Variants in KANK4 observed in about 807,000 individuals in gnomAD.
The protein encoded by KANK4 is KN motif and ankyrin repeat domains 4.
In KANK4, 50 loss-of-function variants were observed where a neutral mutation model predicts 80.8. The observed-to-expected ratio is 0.62, with a 90% CI of 0.49 to 0.78. KANK4 has a LOEUF of 0.78. KANK4 is among the 30% of genes least tolerant of loss of function. The pLI, the probability that KANK4 is intolerant of heterozygous loss-of-function variation, is 0.00. For missense variants in KANK4, 1,196 were observed against 1,240.1 expected, an observed-to-expected ratio of 0.96 and a Z score of 0.53; for synonymous variants, 465 against 506.9, an observed-to-expected ratio of 0.92 and a Z score of 1.11.
At chr1:62,315,039 CT>C (rs1490043527) in intron 1 of KANK4, among the ~76,000 whole-genome samples, 2 of 152,194 alleles carry the variant, frequency 1.3e-5, no homozygotes, top group Non-Finnish European at 2.9e-5. Flanking sequence ...CGGAGGGCCC[CT>C]TTTCTCTCCT....
At chr1:62,313,976 C>T (rs1182934881) in intron 1 of KANK4, among the ~76,000 whole-genome samples, 1 of 152,082 alleles carries the variant, frequency 6.6e-6, no homozygotes, top group Non-Finnish European at 1.5e-5. Flanking sequence ...TCAGCCACTA[C>T]CGAACTTGCC....
Position 62,238,248 on chromosome 1 carries a change from G to C in KANK4, c.*29C>G, listed in dbSNP as rs768235868. The C allele has an allele frequency of 6.5e-7, 1 of 1,543,600 alleles. No homozygotes were observed. The highest frequency in any genetic ancestry group is 1.1e-5 in the South Asian group (1 of 89,438). ...GAGGAGTCCAGAGAAGAAGGCTTTT[G>C]TTCCCCACGGCCAGTTCTTCTGCAG... is the stretch of plus-strand genomic sequence containing the variant. On this transcript the variant is annotated 3_prime_UTR_variant, in exon 10 of 10. Transcript: ENST00000371153.
At chr1:62,290,931 T>C (rs1004427573) in intron 1 of KANK4, among the ~76,000 whole-genome samples, 1 of 152,058 alleles carries the variant, frequency 6.6e-6, no homozygotes, top group Non-Finnish European at 1.5e-5. Context: ...TCTGTATTTT[T>C]AGTAGAGACA....
chr1:62,288,105 T>C (rs1187894397), intron 1 of KANK4, among the ~76,000 whole-genome samples: 1 of 152,026 alleles, frequency 6.6e-6, no homozygotes, highest in Non-Finnish European at 1.5e-5. Flanking sequence ...TATGCCTTAC[T>C]CAGACGTATG....
At chr1:62,288,624 A>G (rs890790380) in intron 1 of KANK4, among the ~76,000 whole-genome samples, 4 of 152,214 alleles carry the variant, frequency 2.6e-5, no homozygotes, top group Admixed American at 1.3e-4. Flanking sequence ...GAAATCAGCT[A>G]TTCTAAAGAT....
At chr1:62,278,355 TCCTTCCTTCCTTCCTTCCTTCC>T (rs1672364386) in intron 2 of KANK4, among the ~76,000 whole-genome samples, 1 of 23,798 alleles carries the variant, frequency 4.2e-5, no homozygotes, top group African/African-American at 4.5e-4. Flanking sequence ...CTTCCTTCCT[TCCTTCCTTCCTTCCTTCCTTCC>T]TTTCTTTCTT....
At chr1:62,256,140 A>G (rs1193002221) in intron 7 of KANK4, among the ~76,000 whole-genome samples, 4 of 152,144 alleles carry the variant, frequency 2.6e-5, no homozygotes, top group African/African-American at 7.2e-5. Flanking sequence ...TCTTCTTCCA[A>G]TGTGGCCCAG....
intron 5 of KANK4, among the ~76,000 whole-genome samples, chr1:62,267,305 C>T (rs959131164): frequency 1.3e-4 from 8 of 62,022 alleles, no homozygotes; most frequent in Non-Finnish European, 2.0e-4. Flanking sequence ...ATATGAGACT[C>T]GTTGAAGCTG....
chr1:62,261,968 C>A (rs1167499154), intron 7 of KANK4, among the ~76,000 whole-genome samples: 1 of 152,160 alleles, frequency 6.6e-6, no homozygotes, highest in African/African-American at 2.4e-5. Context: ...CAGCTCCATC[C>A]CAATTGCTAG....
Position 62,316,950 on chromosome 1 carries a change from G to GA in KANK4, c.-71+2155dup, listed in dbSNP as rs199756106. Reference sequence around the variant, plus strand: ...TTGTCAGGAAGGGCCTTCTGCAGGGGAAAAAACCTTATGTTTAATGCCGAA... The same window carrying GA: ...TTGTCAGGAAGGGCCTTCTGCAGGGGAAAAAAACCTTATGTTTAATGCCGAA... On this transcript the variant is annotated intron_variant, in intron 1 of 9. Transcript: ENST00000371153. Among the ~76,000 whole-genome samples, 1,193 of 152,256 alleles carry GA rather than the reference G, an allele frequency of 7.8e-3. 20 individuals are homozygous for GA. Among genetic ancestry groups the GA allele is most frequent in the African/African-American group, 0.027 (1,114 of 41,548 alleles).
At chr1:62,243,958 G>T (rs1030968706) in intron 9 of KANK4, among the ~76,000 whole-genome samples, 1 of 148,350 alleles carries the variant, frequency 6.7e-6, no homozygotes, top group Non-Finnish European at 1.5e-5. Context: ...TGATGTGGTG[G>T]TTTTTTTTTT....
At chr1:62,276,927 T>G (rs573268620) in intron 2 of KANK4, among the ~76,000 whole-genome samples, 1 of 152,362 alleles carries the variant, frequency 6.6e-6, no homozygotes, top group African/African-American at 2.4e-5. Context: ...TATGACTCAC[T>G]GCTGGTCTCC....
chr1:62,271,496 A>C lies in KANK4; in HGVS notation c.1994T>G (p.Phe665Cys), dbSNP rs1275930909. ...GGNGTKKNLQ[F>C]VGVNGGYETT... ...TGCTTACCCACCGTTAACCCCAACA[A>C]ACTGAAGGTTCTTTTTGGTCCCATT... is the stretch of plus-strand genomic sequence containing the variant. The change falls in exon 4 of 10, where the codon TTT becomes TGT. Residue 665 changes from phenylalanine to cysteine, a missense_variant. Coordinates refer to ENST00000371153, the MANE Select transcript of KANK4 (RefSeq NM_181712.5). 1 of 1,613,406 alleles carries C rather than the reference A, an allele frequency of 6.2e-7. No homozygotes were observed. Among genetic ancestry groups the C allele is most frequent in the Admixed American group, 1.7e-5 (1 of 60,020 alleles).
chr1:62,292,457 T>TACCC (rs1339429001), intron 1 of KANK4, among the ~76,000 whole-genome samples: 1 of 152,182 alleles, frequency 6.6e-6, no homozygotes, highest in East Asian at 1.9e-4. Context: ...CCATATTACC[T>TACCC]ATTGTTCAAA....
At chr1:62,317,278 C>T (rs1644549654) in intron 1 of KANK4, among the ~76,000 whole-genome samples, 1 of 152,166 alleles carries the variant, frequency 6.6e-6, no homozygotes, top group Non-Finnish European at 1.5e-5. Flanking sequence ...ACAAATCTCC[C>T]TAAATGTTGG....
rs191913476 is a variant in KANK4, at chr1:62,317,660, A to G, written c.-71+1446T>C. The stretch of plus-strand genomic sequence containing the variant: ...GCGGCTACTTCTGCCTAGAAGGCTC[A>G]TTCCACTCTCTCCTGTCATTCTGCA... On this transcript the variant is annotated intron_variant, in intron 1 of 9. Coordinates refer to ENST00000371153, the MANE Select transcript of KANK4 (RefSeq NM_181712.5). 2.5e-3 allele frequency among the ~76,000 whole-genome samples: 374 copies of G among 152,334 alleles called. 1 individual carries two copies. The highest frequency in any genetic ancestry group is 3.3e-3 in the Non-Finnish European group (225 of 68,036).
At chr1:62,275,720 G>T (rs1183893919) in intron 2 of KANK4, among the ~76,000 whole-genome samples, 2 of 152,072 alleles carry the variant, frequency 1.3e-5, no homozygotes, top group Non-Finnish European at 2.9e-5. Context: ...TACGCTCTTT[G>T]CATGTGAAAA....
chr1:62,253,161 A>G lies in KANK4; in HGVS notation c.2588T>C (p.Met863Thr). 6.2e-7 allele frequency: 1 copy of G among 1,613,382 alleles called. No homozygotes were observed. Among genetic ancestry groups the G allele is most frequent in the East Asian group, 2.2e-5 (1 of 44,840 alleles). The change falls in exon 8 of 10, where the codon ATG becomes ACG. Residue 863 changes from methionine (M) to threonine (T), a missense_variant. Physicochemically the swap from Met to Thr is moderately conservative, Grantham distance 81. This residue lies in a region of KANK4 where 1,154 missense variants were observed against 1,179.6 expected (regional missense o/e 0.98). Transcript: ENST00000371153. Reference sequence around the variant, plus strand: ...CTCTGCGGAAGCCAAGGGAGTGATCATTACGGCAGTGTAGCCAGCTTTGTT... The same window carrying G: ...CTCTGCGGAAGCCAAGGGAGTGATCGTTACGGCAGTGTAGCCAGCTTTGTT... ...HQNKAGYTAV[M>T]ITPLASAETN...
intron 1 of KANK4, among the ~76,000 whole-genome samples, chr1:62,289,626 G>A (rs1402577484): frequency 6.6e-6 from 1 of 151,866 alleles, no homozygotes; most frequent in Non-Finnish European, 1.5e-5. Context: ...ATACAATGGT[G>A]AAGACAGAAG....
Sources: allele counts gnomAD v4.1 joint callset (sites outside exome capture counted in the v4.1 genomes callset), GRCh38; gene constraint gnomAD v4.1.1; regional missense constraint gnomAD v4.1.1; transcripts MANE v1.5; gene names NCBI Gene and HGNC (gene_info 2026-07-23, HGNC 2026-07-21).